Variants in PPA2 observed in about 807,000 individuals in gnomAD.
PPA2 encodes the protein inorganic pyrophosphatase 2, mitochondrial.
A neutral mutation model predicts 49.5 loss-of-function variants in PPA2; 48 were observed. That is an observed-to-expected ratio of 0.97 (90% CI 0.77 to 1.23). PPA2 has a LOEUF of 1.23. PPA2 is among the 50% of genes most tolerant of loss of function. PPA2 has a pLI of 0.00. For synonymous variants in PPA2, 131 were observed against 139.9 expected, an observed-to-expected ratio of 0.94 and a Z score of 0.45; for missense variants, 429 against 410.1, an observed-to-expected ratio of 1.05 and a Z score of -0.40.
intron 7 of PPA2, among the ~76,000 whole-genome samples, chr4:105,413,421 A>G (rs1450936850): frequency 2.0e-5 from 3 of 152,206 alleles, no homozygotes; most frequent in Non-Finnish European, 4.4e-5. Flanking sequence ...ATACCTATGT[A>G]ACAAACCTGT....
At position 105,411,112 on chromosome 4, in the gene PPA2, A is replaced by T. The variant is rs1042537060; in HGVS notation, c.656-11948T>A. 3.3e-5 allele frequency among the ~76,000 whole-genome samples: 5 copies of T among 152,356 alleles called. No individual in the cohort carries two copies. The South Asian group carries it at 6.2e-4, about 19-fold the overall frequency. On this transcript the variant is annotated intron_variant, in intron 7 of 11. Transcript: ENST00000341695. ...GTTAAATGCCCCAATTAAAAGACACAGACTGGCAAATTGGATAAAGAGTCA... is the reference window on the plus strand; with the variant it reads ...GTTAAATGCCCCAATTAAAAGACACTGACTGGCAAATTGGATAAAGAGTCA...
At chr4:105,377,173 T>C (rs1378170420) in intron 10 of PPA2, among the ~76,000 whole-genome samples, 1 of 152,120 alleles carries the variant, frequency 6.6e-6, no homozygotes, top group African/African-American at 2.4e-5. Context: ...ACTTTTCCAA[T>C]ACCCAACAAT....
intron 7 of PPA2, among the ~76,000 whole-genome samples, chr4:105,409,990 C>A (rs866566785): frequency 4.6e-5 from 7 of 152,168 alleles, no homozygotes; most frequent in Non-Finnish European, 7.3e-5. Flanking sequence ...AATCAAAAAA[C>A]CAGAGCACCT....
chr4:105,379,561 G>A (rs1299638010), intron 10 of PPA2, among the ~76,000 whole-genome samples: 1 of 151,270 alleles, frequency 6.6e-6, no homozygotes, highest in African/African-American at 2.4e-5. Flanking sequence ...CCTCTCAGGT[G>A]CAAGCGATTC....
chr4:105,436,475 G>T (rs961578361), intron 6 of PPA2, among the ~76,000 whole-genome samples: 3 of 152,026 alleles, frequency 2.0e-5, no homozygotes, highest in African/African-American at 7.2e-5. Context: ...CAATCCTAAT[G>T]TTTATATGGA....
chr4:105,372,296 C>T (rs1313894051), intron 10 of PPA2, among the ~76,000 whole-genome samples: 7 of 152,140 alleles, frequency 4.6e-5, no homozygotes, highest in Non-Finnish European at 7.3e-5. Flanking sequence ...TCTTGCCCTA[C>T]GGTGAGATAT....
rs11406936 is a variant in PPA2 at position 105,383,902 on chromosome 4, C to CAA, written c.939+2663_939+2664dup. ...TCAATTATTCTAAGCAATTAAAGGA[C>CAA]AAAAAAAAAACCTGATAGCACTTTG... On this transcript the variant is annotated intron_variant, in intron 10 of 11. Coordinates refer to ENST00000341695, the MANE Select transcript of PPA2 (RefSeq NM_176869.3). 1.8e-3 allele frequency among the ~76,000 whole-genome samples: 264 copies of CAA among 147,574 alleles called. 1 individual carries two copies. Among genetic ancestry groups the CAA allele is most frequent in the East Asian group, 5.9e-3 (30 of 5,102 alleles).
At chr4:105,385,060 G>C (rs1297665437) in intron 10 of PPA2, among the ~76,000 whole-genome samples, 2 of 152,080 alleles carry the variant, frequency 1.3e-5, no homozygotes, top group African/African-American at 4.8e-5. Flanking sequence ...TGGGAGTGTG[G>C]CCTTGAATGC....
intron 7 of PPA2, among the ~76,000 whole-genome samples, chr4:105,420,767 T>C (rs1352528057): frequency 7.9e-5 from 12 of 152,310 alleles, no homozygotes; most frequent in Middle Eastern, 3.4e-3. Context: ...TGGTAGAATT[T>C]AAGTAAGTAG....
chr4:105,437,949 C>A lies in PPA2; in HGVS notation c.528+1G>T, dbSNP rs1032144565. On this transcript the variant is annotated splice_donor_variant, in intron 6 of 11. Coordinates refer to ENST00000341695, the MANE Select transcript of PPA2 (RefSeq NM_176869.3). LOFTEE classifies it high-confidence loss of function. Reference sequence around the variant, plus strand: ...GAATTAATACAGTCTATAAAACAAACCTTTGAGCCTATTTCGCAAACATCA... The same window carrying A: ...GAATTAATACAGTCTATAAAACAAAACTTTGAGCCTATTTCGCAAACATCA... 2.9e-5 allele frequency: 46 copies of A among 1,599,112 alleles called. No individual in the cohort carries two copies. Among genetic ancestry groups the A allele is most frequent in the Non-Finnish European group, 3.8e-5 (45 of 1,175,722 alleles).
At chr4:105,401,922 G>T (rs1471017250) in intron 7 of PPA2, among the ~76,000 whole-genome samples, 1 of 152,084 alleles carries the variant, frequency 6.6e-6, no homozygotes, top group East Asian at 1.9e-4. Flanking sequence ...TTAAGTTTTA[G>T]CTTTACCAAG....
chr4:105,460,425 T>C (rs1723037280), intron 1 of PPA2, among the ~76,000 whole-genome samples: 1 of 152,138 alleles, frequency 6.6e-6, no homozygotes, highest in South Asian at 2.1e-4. Flanking sequence ...ATCTGCAAAT[T>C]TTGGTATCCA....
At chr4:105,431,682 T>C (rs1723806170) in intron 6 of PPA2, among the ~76,000 whole-genome samples, 3 of 152,160 alleles carry the variant, frequency 2.0e-5, no homozygotes, top group Admixed American at 1.3e-4. Flanking sequence ...ACAAGCCAAA[T>C]GCCCATCAAC....
rs1234907595 is a variant in PPA2, at chr4:105,464,631, A to C, written c.158-7886T>G. 3.9e-5 allele frequency among the ~76,000 whole-genome samples: 6 copies of C among 152,284 alleles called. No individual in the cohort carries two copies. In the East Asian group the frequency reaches 5.8e-4, roughly 15 times the overall value. On this transcript the variant is annotated intron_variant, in intron 1 of 11. Transcript: ENST00000341695. ...TGTGGGAGGAATCCTGGTGGGAGAT[A>C]ATTGAATCATGGGGGCAAGTCTTGT...
rs374773208 is a variant in PPA2 at position 105,449,149 on chromosome 4, G to A, written c.321+201C>T. On this transcript the variant is annotated intron_variant, in intron 4 of 11. Transcript: ENST00000341695. ...GGAGAATGGCGTGAACCCGGGAGGCGGAGCTTGCAGTGAGCCGAGATCCCG... is the reference window on the plus strand; with the variant it reads ...GGAGAATGGCGTGAACCCGGGAGGCAGAGCTTGCAGTGAGCCGAGATCCCG... Among the ~76,000 whole-genome samples, 5 of 119,702 alleles carry A rather than the reference G, an allele frequency of 4.2e-5. No individual in the cohort carries two copies. In the South Asian group the frequency reaches 1.2e-3, roughly 28 times the overall value. The allele number at this position is 119,702 out of a possible 152,430, so 78.5% of individuals were successfully genotyped here.
rs1246200804 is a variant in PPA2, at chr4:105,396,281, A to G, written c.837T>C (p.Leu279=). The change falls in exon 9 of 12, where the codon CTT becomes CTC. Residue 279 remains leucine (L), a synonymous_variant. Coordinates refer to ENST00000341695, the MANE Select transcript of PPA2 (RefSeq NM_176869.3). ...TAGCTCCTCCATTACACTTCTTCAT[A>G]AGCAATGCTTTCCAACATTGATGAG... ...KSTHQCWKAL[L]MKKCNGGAIN... 6.3e-6 allele frequency: 10 copies of G among 1,597,810 alleles called. No individual in the cohort carries two copies. The highest frequency in any genetic ancestry group is 7.7e-6 in the Non-Finnish European group (9 of 1,172,460).
chr4:105,388,317 C>T (rs1733763406), intron 9 of PPA2, among the ~76,000 whole-genome samples: 2 of 151,948 alleles, frequency 1.3e-5, no homozygotes, highest in South Asian at 4.2e-4. Context: ...AAGTAATCCC[C>T]TACTCTTACA....
chr4:105,392,762 G>A (rs1005149468), intron 9 of PPA2, among the ~76,000 whole-genome samples: 6 of 152,076 alleles, frequency 3.9e-5, no homozygotes, highest in African/African-American at 1.2e-4. Context: ...TACATGCCAG[G>A]CATTAGGAAT....
At chr4:105,473,552 C>T (rs758359275) in intron 1 of PPA2, 3 of 525,324 alleles carry the variant, frequency 5.7e-6, no homozygotes. Flanking sequence ...GGCGGCCGGG[C>T]CGGCTAATGG....
Sources: allele counts gnomAD v4.1 joint callset (sites outside exome capture counted in the v4.1 genomes callset), GRCh38; gene constraint gnomAD v4.1.1; transcripts MANE v1.5; gene names NCBI Gene and HGNC (gene_info 2026-07-23, HGNC 2026-07-21).